The following PPP1R14C variants were observed in gnomAD, a reference collection of about 807,000 sequenced individuals.
The protein encoded by PPP1R14C is protein phosphatase 1 regulatory inhibitor subunit 14C, also known as protein phosphatase 1 regulatory subunit 14C.
A neutral mutation model predicts 20.4 loss-of-function variants in PPP1R14C; 16 were observed. The observed-to-expected ratio is 0.78, with a 90% CI of 0.53 to 1.19. The LOEUF (loss-of-function observed/expected upper bound fraction) is 1.19, where lower values mean the gene tolerates loss of function less well. PPP1R14C is among the 50% of genes most tolerant of loss of function. The probability of loss-of-function intolerance (pLI) is 0.00; values close to 1 mark genes in which losing one functional copy is unlikely to be tolerated. For synonymous variants in PPP1R14C, 91 were observed against 91.0 expected (o/e 1.00, Z 0.00); for missense variants, 211 against 220.1 (o/e 0.96, Z 0.26).
intron 1 of PPP1R14C, among the ~76,000 whole-genome samples, chr6:150,165,935 G>A (rs1777416909): frequency 6.6e-6 from 1 of 152,192 alleles, no homozygotes; most frequent in Non-Finnish European, 1.5e-5. Context: ...CAAAGACCAA[G>A]TTTAGAAAAA....
chr6:150,192,025 G>T (rs1377331512), intron 1 of PPP1R14C, among the ~76,000 whole-genome samples: 4 of 152,088 alleles, frequency 2.6e-5, no homozygotes, highest in Admixed American at 2.6e-4. Context: ...GATTCTGTTT[G>T]TTTCTCAATG....
At chr6:150,196,292 C>T (rs894164720) in intron 1 of PPP1R14C, 1 of 208,434 alleles carries the variant, frequency 4.8e-6, no homozygotes, top group Non-Finnish European at 8.3e-6. Flanking sequence ...TGGTTCAGAG[C>T]CACTGGGACT....
intron 1 of PPP1R14C, chr6:150,195,098 T>G: frequency 1.0e-6 from 1 of 983,372 alleles, no homozygotes; most frequent in Non-Finnish European, 1.2e-6. Flanking sequence ...CAAGAGGAGG[T>G]TACTCATGCA....
In PPP1R14C at chr6:150,201,548, C is replaced by T. The variant is rs977478256; in HGVS notation, c.307-13196C>T. ...GTGAGGCATTGAATGGAGAGGAGGC[C>T]GGGAGCCCAGCAGGGGAAGCCTTCC... On this transcript the variant is annotated intron_variant, in intron 1 of 3. Transcript: ENST00000361131. The surrounding 1 kb of genome is among the most constrained non-coding windows in gnomAD (Gnocchi z 4.2). Among the ~76,000 whole-genome samples, 23 of 152,032 alleles carry T rather than the reference C, an allele frequency of 1.5e-4. No homozygotes were observed. The highest frequency in any genetic ancestry group is 2.9e-4 in the Non-Finnish European group (20 of 67,998).
rs142109127 is a variant in PPP1R14C, at chr6:150,236,613, C to CTG, written c.424-12108_424-12107dup. ...AAGCGGAGGGAGGTGGTTGGTGCCACTGTGTGTGTGTGTGTGTGTGTGTGT... is the reference window on the plus strand; with the variant it reads ...AAGCGGAGGGAGGTGGTTGGTGCCACTGTGTGTGTGTGTGTGTGTGTGTGTGT... On this transcript the variant is annotated intron_variant, in intron 3 of 3. Transcript: ENST00000361131. 5.9e-3 allele frequency among the ~76,000 whole-genome samples: 859 copies of CTG among 144,488 alleles called. 5 individuals carry two copies. Among genetic ancestry groups the CTG allele is most frequent in the South Asian group, 0.018 (79 of 4,332 alleles). 94.8% of individuals were successfully genotyped at this position (144,488 alleles called of 152,430 possible).
At chr6:150,163,981 C>T (rs1345285462) in intron 1 of PPP1R14C, among the ~76,000 whole-genome samples, 1 of 152,240 alleles carries the variant, frequency 6.6e-6, no homozygotes, top group Non-Finnish European at 1.5e-5. Flanking sequence ...TTGCACCAAT[C>T]TACATGCCCA....
At chr6:150,177,189 C>T (rs1777572242) in intron 1 of PPP1R14C, among the ~76,000 whole-genome samples, 1 of 152,188 alleles carries the variant, frequency 6.6e-6, no homozygotes, top group South Asian at 2.1e-4. Flanking sequence ...CAGATCTTCC[C>T]TGCACCGTGT....
intron 1 of PPP1R14C, among the ~76,000 whole-genome samples, chr6:150,203,933 C>T (rs1022920073): frequency 7.9e-5 from 12 of 152,212 alleles, no homozygotes; most frequent in Admixed American, 1.3e-4. Context: ...CCTTGGGTGG[C>T]GCCAGCCCTT....
intron 1 of PPP1R14C, among the ~76,000 whole-genome samples, chr6:150,155,052 A>G (rs1403881472): frequency 6.6e-6 from 1 of 152,126 alleles, no homozygotes; most frequent in East Asian, 1.9e-4. Context: ...TAATGGTGGT[A>G]TTTATTTTAA....
chr6:150,238,850 A>G (rs566194772), intron 3 of PPP1R14C, among the ~76,000 whole-genome samples: 1 of 152,382 alleles, frequency 6.6e-6, no homozygotes, highest in South Asian at 2.1e-4. Flanking sequence ...GAACTAGAAT[A>G]TCAGTATTTT....
At chr6:150,159,751 A>T (rs1172651285) in intron 1 of PPP1R14C, among the ~76,000 whole-genome samples, 1 of 152,102 alleles carries the variant, frequency 6.6e-6, no homozygotes, top group Non-Finnish European at 1.5e-5. Flanking sequence ...TGTTAGAATT[A>T]TACATTTGTC....
Position 150,234,848 on chromosome 6 carries a change from C to CAAAAAAAAAAA in PPP1R14C, c.424-13880_424-13870dup, listed in dbSNP as rs56139981. On this transcript the variant is annotated intron_variant, in intron 3 of 3. Transcript: ENST00000361131. Reference sequence around the variant, plus strand: ...TGGGCGACAAAGTGAGACTCTGTCTCAAAAAAAAAAAAAAAAAAAAAAAAA... The same window carrying CAAAAAAAAAAA: ...TGGGCGACAAAGTGAGACTCTGTCTCAAAAAAAAAAAAAAAAAAAAAAAAAAAAAAAAAAAA... Among the ~76,000 whole-genome samples, 81 of 41,832 alleles carry CAAAAAAAAAAA rather than the reference C, an allele frequency of 1.9e-3. 3 individuals are homozygous for CAAAAAAAAAAA. Among genetic ancestry groups the CAAAAAAAAAAA allele is most frequent in the African/African-American group, 8.0e-3 (78 of 9,710 alleles). 27.4% of individuals were successfully genotyped at this position (41,832 alleles called of 152,430 possible). A position where few individuals can be genotyped will look rare whatever the true frequency, so the allele number is the denominator to read the frequency against.
chr6:150,210,334 C>A (rs1208172835), intron 1 of PPP1R14C, among the ~76,000 whole-genome samples: 1 of 152,224 alleles, frequency 6.6e-6, no homozygotes, highest in African/African-American at 2.4e-5. Context: ...TTATCTTTAC[C>A]TTTTCTTTCC....
rs1311472809 is a variant in PPP1R14C at position 150,143,198 on chromosome 6, G to A, written c.6G>A (p.Ser2=). The A allele has an allele frequency of 1.5e-6, 2 of 1,346,122 alleles. No homozygotes were observed. Among genetic ancestry groups the A allele is most frequent in the Non-Finnish European group, 1.9e-6 (2 of 1,059,038 alleles). 83.4% of individuals were successfully genotyped at this position (1,346,122 alleles called of 1,614,324 possible). A position where few individuals can be genotyped will look rare whatever the true frequency, so the allele number is the denominator to read the frequency against. M[S]VATGSSETAG... is the part of the protein sequence containing the mutation. ...AGGCTCGGGCGCGCGGGGACATGTC[G>A]GTGGCGACGGGCAGCAGCGAGACGG... The change falls in exon 1 of 4, where the codon TCG becomes TCA. Residue 2 remains serine (S), a synonymous_variant. Transcript: ENST00000361131. This position sits in a 1 kb window ranked among gnomAD's most constrained non-coding sequence, Gnocchi z 5.6.
At chr6:150,144,609 G>A (rs1340190276) in intron 1 of PPP1R14C, among the ~76,000 whole-genome samples, 1 of 152,200 alleles carries the variant, frequency 6.6e-6, no homozygotes, top group Non-Finnish European at 1.5e-5. Context: ...TGAACTCACA[G>A]GCTTTACCAC....
rs181812162 is a variant in PPP1R14C, at chr6:150,182,436, G to A, written c.307-32308G>A. The stretch of plus-strand genomic sequence containing the variant: ...GGGCCTACTTTCTGGTTTGCAGATG[G>A]CTGTCATCTTGCTGTATCCTCACAT... On this transcript the variant is annotated intron_variant, in intron 1 of 3. Transcript: ENST00000361131. Among the ~76,000 whole-genome samples the A allele has an allele frequency of 4.6e-5, 7 of 152,286 alleles. No individual in the cohort carries two copies. The East Asian group carries it at 1.3e-3, about 29-fold the overall frequency.
At chr6:150,248,291 G>C (rs553542964) in intron 3 of PPP1R14C, among the ~76,000 whole-genome samples, 1 of 152,220 alleles carries the variant, frequency 6.6e-6, no homozygotes, top group Non-Finnish European at 1.5e-5. Context: ...ACTCAAATTT[G>C]AGGCACACTA....
chr6:150,168,698 G>A (rs1360435000), intron 1 of PPP1R14C, among the ~76,000 whole-genome samples: 1 of 152,186 alleles, frequency 6.6e-6, no homozygotes, highest in Non-Finnish European at 1.5e-5. Flanking sequence ...GGAGATGGAA[G>A]TAACCTTAAG....
intron 1 of PPP1R14C, among the ~76,000 whole-genome samples, chr6:150,167,601 C>T (rs1401665483): frequency 6.6e-6 from 1 of 152,084 alleles, no homozygotes; most frequent in Non-Finnish European, 1.5e-5. Flanking sequence ...TCTGGGAGAA[C>T]ATCTAGAAGT....
Sources: gnomAD v4.1 joint callset for allele counts (sites outside exome capture counted in the v4.1 genomes callset) on GRCh38, gnomAD v4.1.1 for gene constraint, Gnocchi (gnomAD v3.1) non-coding constraint, MANE v1.5 for transcripts, NCBI Gene and HGNC (gene_info 2026-07-23, HGNC 2026-07-21) for gene names.